Variants in FGF14 observed in about 807,000 individuals in gnomAD.
The protein encoded by FGF14 is fibroblast growth factor homologous factor 4.
FGF14 carries 5 observed loss-of-function variants against 25.5 expected under a neutral mutation model. The ratio of observed to expected loss-of-function variants is 0.20; its 90% CI spans 0.10 to 0.41. FGF14 has a LOEUF of 0.41. FGF14 is among the 10% of genes least tolerant of loss of function. FGF14 has a pLI of 1.00. For synonymous variants in FGF14, 138 were observed against 118.3 expected, an observed-to-expected ratio of 1.17 and a Z score of -1.08; for missense variants, 222 against 320.1, an observed-to-expected ratio of 0.69 and a Z score of 2.34.
chr13:102,119,614 G>A lies in FGF14; in HGVS notation c.209-244318C>T, dbSNP rs186658358. On this transcript the variant is annotated intron_variant, in intron 1 of 4. Transcript: ENST00000376131. ...AGCTTCCCTTCAAATGGTTTAGATGGAAATAAATAATATATATGTATGTCT... is the reference window on the plus strand; with the variant it reads ...AGCTTCCCTTCAAATGGTTTAGATGAAAATAAATAATATATATGTATGTCT... Among the ~76,000 whole-genome samples the A allele has an allele frequency of 1.6e-3, 236 of 152,236 alleles. 3 individuals are homozygous for A. The highest frequency in any genetic ancestry group is 5.5e-3 in the African/African-American group (227 of 41,548).
intron 1 of FGF14, among the ~76,000 whole-genome samples, chr13:102,021,327 G>C (rs950876633): frequency 7.2e-5 from 11 of 152,054 alleles, no homozygotes. Flanking sequence ...GCTAAGTAGA[G>C]GCTTCGTAAA....
intron 3 of FGF14, among the ~76,000 whole-genome samples, chr13:101,812,793 AG>A (rs1708565482): frequency 6.7e-6 from 1 of 148,440 alleles, no homozygotes; most frequent in African/African-American, 2.5e-5. Context: ...CAGCCTCCTG[AG>A]TAGCTGGGAT....
rs549694471 is a variant in FGF14, at chr13:102,263,084, T to A, written c.208+138387A>T. ...TCTTTTCCAATGTCTCCTTTTGGAG[T>A]TTCACCTGACTTTATTACCAGTTTT... On this transcript the variant is annotated intron_variant, in intron 1 of 4. Coordinates refer to the FGF14 transcript ENST00000376131. 9.7e-5 allele frequency: 62 copies of A among 640,156 alleles called. No homozygotes were observed. In the African/African-American group the frequency reaches 9.9e-4, roughly 10 times the overall value. 39.7% of individuals were successfully genotyped at this position (640,156 alleles called of 1,614,324 possible).
intron 3 of FGF14, among the ~76,000 whole-genome samples, chr13:101,762,166 A>G (rs1363526217): frequency 6.6e-6 from 1 of 152,342 alleles, no homozygotes; most frequent in East Asian, 1.9e-4. Context: ...GCACTGTTAA[A>G]CATGCTTTGG....
intron 1 of FGF14, among the ~76,000 whole-genome samples, chr13:102,137,898 G>A (rs368643170): frequency 6.6e-6 from 1 of 150,674 alleles, no homozygotes; most frequent in African/African-American, 2.4e-5. Context: ...CACAGGAGGT[G>A]GGCCTCAGTC....
At position 101,718,474 on chromosome 13, in the gene FGF14, G is replaced by A. The variant is rs1168545604; in HGVS notation, c.*4357C>T. 6.6e-6 allele frequency: 1 copy of A among 152,106 alleles called. No homozygotes were observed. Among genetic ancestry groups the A allele is most frequent in the Admixed American group, 6.6e-5 (1 of 15,248 alleles). The allele number at this position is 152,106 out of a possible 1,614,324, so 9.4% of individuals were successfully genotyped here. A position where few individuals can be genotyped will look rare whatever the true frequency, so the allele number is the denominator to read the frequency against. On this transcript the variant is annotated 3_prime_UTR_variant, in exon 5 of 5. Coordinates refer to ENST00000376143, the MANE Select transcript of FGF14 (RefSeq NM_004115.4). ...AAGCAAATCTCATTGGCTCATTCCT[G>A]TTTTTAGGAAGTTGCAGTGGGATTA...
chr13:102,336,731 G>T (rs1313828599), intron 1 of FGF14, among the ~76,000 whole-genome samples: 2 of 152,172 alleles, frequency 1.3e-5, no homozygotes, highest in Non-Finnish European at 2.9e-5. Context: ...GGCTGACTCT[G>T]TTGTTAGGGA....
chr13:101,906,315 A>G lies in FGF14; in HGVS notation c.193+10138T>C, dbSNP rs527905050. ...ATTAAGGTGCTGGTGGCATTTACTT[A>G]TGCAGAAAGATTAATAGGGTTAAAC... On this transcript the variant is annotated intron_variant, in intron 1 of 4. Coordinates refer to ENST00000376143, the MANE Select transcript of FGF14 (RefSeq NM_004115.4). 3.3e-5 allele frequency among the ~76,000 whole-genome samples: 5 copies of G among 152,304 alleles called. No homozygotes were observed. The East Asian group carries it at 7.7e-4, about 24-fold the overall frequency.
chr13:101,836,075 C>T (rs2042914322), intron 3 of FGF14, among the ~76,000 whole-genome samples: 2 of 152,020 alleles, frequency 1.3e-5, no homozygotes, highest in Admixed American at 1.3e-4. Context: ...GTTTCTAAAA[C>T]AGGCAGTAAT....
chr13:101,762,684 T>C (rs878919317), intron 3 of FGF14, among the ~76,000 whole-genome samples: 2 of 152,214 alleles, frequency 1.3e-5, no homozygotes, highest in Admixed American at 6.5e-5. Context: ...GAGATAACCA[T>C]AGTTCAATCA....
At chr13:102,015,856 A>ACT (rs1273531120) in intron 1 of FGF14, among the ~76,000 whole-genome samples, 1 of 152,204 alleles carries the variant, frequency 6.6e-6, no homozygotes, top group Non-Finnish European at 1.5e-5. Context: ...AGTCTTAGTT[A>ACT]AACTTATATT....
At chr13:101,754,271 T>A (rs2037496825) in intron 3 of FGF14, among the ~76,000 whole-genome samples, 2 of 152,202 alleles carry the variant, frequency 1.3e-5, no homozygotes. Flanking sequence ...CACCCATGTG[T>A]GTTTCCTCCT....
intron 3 of FGF14, among the ~76,000 whole-genome samples, chr13:101,735,403 T>G (rs2036112503): frequency 6.6e-6 from 1 of 152,076 alleles, no homozygotes; most frequent in Non-Finnish European, 1.5e-5. Flanking sequence ...ATGAAAGCAG[T>G]AAGGAATTAT....
At chr13:102,082,603 A>G (rs757289740) in intron 1 of FGF14, among the ~76,000 whole-genome samples, 1 of 152,234 alleles carries the variant, frequency 6.6e-6, no homozygotes, top group Non-Finnish European at 1.5e-5. Context: ...AGACGCGTAC[A>G]TTCCCATGCC....
chr13:101,886,163 C>T (rs1206950145), intron 1 of FGF14, among the ~76,000 whole-genome samples: 1 of 152,026 alleles, frequency 6.6e-6, no homozygotes, highest in East Asian at 1.9e-4. Context: ...AGCTCAGCAT[C>T]AAAAAACACT....
At position 102,309,135 on chromosome 13, in the gene FGF14, T is replaced by TACACACACACACACACACACACACAC. The variant is rs34911009; in HGVS notation, c.208+92310_208+92335dup. On this transcript the variant is annotated intron_variant, in intron 1 of 4. Transcript: ENST00000376131. The stretch of plus-strand genomic sequence containing the variant: ...CACACAAATGCATACATGCATAACA[T>TACACACACACACACACACACACACAC]ACACACACACACACACACACACACA... Among the ~76,000 whole-genome samples the TACACACACACACACACACACACACAC allele has an allele frequency of 1.2e-3, 172 of 142,558 alleles. 1 individual carries two copies. Among genetic ancestry groups the TACACACACACACACACACACACACAC allele is most frequent in the African/African-American group, 4.4e-3 (166 of 37,644 alleles). 93.5% of individuals were successfully genotyped at this position (142,558 alleles called of 152,430 possible). A position where few individuals can be genotyped will look rare whatever the true frequency, so the allele number is the denominator to read the frequency against.
chr13:101,972,815 T>G lies in FGF14; in HGVS notation c.209-97519A>C, dbSNP rs1468309901. ...TGAGCCACCGTGCCCAGCTTAAAGT[T>G]GTATTTTATTTTACTTTGTTCAGGT... On this transcript the variant is annotated intron_variant, in intron 1 of 4. Transcript: ENST00000376131. 3.3e-5 allele frequency among the ~76,000 whole-genome samples: 5 copies of G among 152,344 alleles called. No individual in the cohort carries two copies. In the East Asian group the frequency reaches 9.6e-4, roughly 29 times the overall value.
intron 1 of FGF14, among the ~76,000 whole-genome samples, chr13:102,145,542 C>G (rs1335501912): frequency 1.3e-5 from 2 of 152,142 alleles, no homozygotes; most frequent in South Asian, 2.1e-4. Context: ...GTTTCTCGTA[C>G]TGACTTATGT....
At chr13:102,295,551 C>T (rs1278875225) in intron 1 of FGF14, among the ~76,000 whole-genome samples, 3 of 152,130 alleles carry the variant, frequency 2.0e-5, no homozygotes, top group Non-Finnish European at 2.9e-5. Context: ...TTCTAAAGGT[C>T]GGCGAAGCAG....
Sources: gnomAD v4.1 joint callset for allele counts (sites outside exome capture counted in the v4.1 genomes callset) on GRCh38, gnomAD v4.1.1 for gene constraint, MANE v1.5 for transcripts, NCBI Gene and HGNC (gene_info 2026-07-23, HGNC 2026-07-21) for gene names.